ATP2B4: variants seen among roughly 807,000 people sequenced by gnomAD.
ATP2B4 encodes ATPase plasma membrane Ca2+ transporting 4.
ATP2B4 carries 39 observed loss-of-function variants against 110.3 expected under a neutral mutation model. The observed-to-expected ratio is 0.35, with a 90% confidence interval of 0.27 to 0.46. ATP2B4 has a LOEUF of 0.46. ATP2B4 is among the 20% of genes least tolerant of loss of function. The pLI is 1.00. For missense variants in ATP2B4, 1,135 were observed against 1,530.9 expected (o/e 0.74, Z 4.32); for synonymous variants, 538 against 571.7 (o/e 0.94, Z 0.84).
At chr1:203,641,735 C>T (rs147644561) in intron 1 of ATP2B4, among the ~76,000 whole-genome samples, 4 of 152,242 alleles carry the variant, frequency 2.6e-5, no homozygotes, top group Admixed American at 2.6e-4. Flanking sequence ...TCATCTGGCT[C>T]ATTAGGGTTG....
intron 1 of ATP2B4, among the ~76,000 whole-genome samples, chr1:203,664,517 C>A (rs2102336409): frequency 6.6e-6 from 1 of 152,286 alleles, no homozygotes; most frequent in African/African-American, 2.4e-5. Context: ...TTTTTGATCC[C>A]CATTTTTTTA....
At chr1:203,632,849 G>A (rs985339653) in intron 1 of ATP2B4, among the ~76,000 whole-genome samples, 1 of 152,122 alleles carries the variant, frequency 6.6e-6, no homozygotes. Flanking sequence ...CTGGAAATCA[G>A]GGTCTCACTA....
At chr1:203,717,726 C>G (rs1244534772) in intron 15 of ATP2B4, among the ~76,000 whole-genome samples, 1 of 151,850 alleles carries the variant, frequency 6.6e-6, no homozygotes, top group Non-Finnish European at 1.5e-5. Flanking sequence ...ACTGCAACCT[C>G]CACTTCCCAG....
In ATP2B4 at chr1:203,723,420, ATCTCTCTCTCTCTC is replaced by A. The variant is rs34964110; in HGVS notation, c.3025-434_3025-421del. 2.0e-4 allele frequency among the ~76,000 whole-genome samples: 9 copies of A among 44,576 alleles called. No individual in the cohort carries two copies. The South Asian group carries it at 6.7e-3, about 33-fold the overall frequency. 29.2% of individuals were successfully genotyped at this position (44,576 alleles called of 152,430 possible). A position where few individuals can be genotyped will look rare whatever the true frequency, so the allele number is the denominator to read the frequency against. On this transcript the variant is annotated intron_variant, in intron 18 of 20. Transcript: ENST00000357681. ...TTTTTTTTTTTCGTTTGAGACAGAT[ATCTCTCTCTCTCTC>A]TCTCTCTCTCTCTCTCTCTCTCTCT...
At chr1:203,730,284 G>A (rs150391143) in intron 20 of ATP2B4, among the ~76,000 whole-genome samples, 9 of 150,328 alleles carry the variant, frequency 6.0e-5, no homozygotes, top group African/African-American at 1.7e-4. Context: ...GTAGGGAAAC[G>A]CTAGGGTTCC....
chr1:203,674,331 C>T (rs905786157), intron 1 of ATP2B4, among the ~76,000 whole-genome samples: 1 of 152,238 alleles, frequency 6.6e-6, no homozygotes, highest in Admixed American at 6.5e-5. Flanking sequence ...TGAGCTCTAG[C>T]TTGCTGTGAA....
chr1:203,709,055 G>C (rs1665928416), intron 10 of ATP2B4, among the ~76,000 whole-genome samples: 1 of 152,138 alleles, frequency 6.6e-6, no homozygotes, highest in Non-Finnish European at 1.5e-5. Flanking sequence ...TACTCAGGAG[G>C]CTGAGGCAGA....
In ATP2B4 at chr1:203,727,828, G is replaced by T. The variant is rs1166931801; in HGVS notation, c.3309+257G>T. ...CCTTTAGCTCTGGGTTGACCCTAAA[G>T]CCCAGCCTGCCACCCTCTATCAAAT... On this transcript the variant is annotated intron_variant, in intron 20 of 20. Coordinates refer to ENST00000357681, the MANE Select transcript of ATP2B4 (RefSeq NM_001684.5). The T allele has an allele frequency of 3.3e-5, 15 of 457,226 alleles. No individual in the cohort carries two copies. In the East Asian group the frequency reaches 6.3e-4, roughly 19 times the overall value. 28.3% of individuals were successfully genotyped at this position (457,226 alleles called of 1,614,324 possible). A position where few individuals can be genotyped will look rare whatever the true frequency, so the allele number is the denominator to read the frequency against.
At position 203,659,883 on chromosome 1, in the gene ATP2B4, A is replaced by T. The variant is rs57502354; in HGVS notation, c.-464-22859A>T. Among the ~76,000 whole-genome samples the T allele has an allele frequency of 5.2e-3, 788 of 152,230 alleles. 9 individuals are homozygous for T. The highest frequency in any genetic ancestry group is 0.018 in the African/African-American group (740 of 41,536). ...TGGATCACAAGATCAGGAGTTCAAG[A>T]TCAGCCTGGCCAAAATGGTGAAATC... On this transcript the variant is annotated intron_variant, in intron 1 of 20. Coordinates refer to ENST00000357681, the MANE Select transcript of ATP2B4 (RefSeq NM_001684.5).
chr1:203,697,984 C>T (rs1037498978), intron 2 of ATP2B4, among the ~76,000 whole-genome samples, 173 bp from the exon 3 acceptor site: 2 of 151,662 alleles, frequency 1.3e-5, no homozygotes, highest in East Asian at 2.0e-4. Flanking sequence ...GGATTACAGA[C>T]GTGAGATACC....
chr1:203,712,158 GAA>G lies in ATP2B4; in HGVS notation c.2211+20_2211+21del. 6.2e-7 allele frequency: 1 copy of G among 1,610,874 alleles called. No homozygotes were observed. The highest frequency in any genetic ancestry group is 8.5e-7 in the Non-Finnish European group (1 of 1,178,420). ...AGGCGAGGTGGGTCCTGGCTAGGGG[GAA>G]CCAGGACCTCACCTGACAAGGAAAA... On this transcript the variant is annotated intron_variant, in intron 13 of 20. Transcript: ENST00000357681.
At chr1:203,659,734 G>T (rs1255420699) in intron 1 of ATP2B4, among the ~76,000 whole-genome samples, 1 of 152,160 alleles carries the variant, frequency 6.6e-6, no homozygotes, top group Non-Finnish European at 1.5e-5. Context: ...GGAGGCTGAA[G>T]CGGGAAGATT....
rs543618721 is a variant in ATP2B4 at position 203,733,547 on chromosome 1, T to A, written c.3309+5976T>A. On this transcript the variant is annotated intron_variant, in intron 20 of 20. Coordinates refer to ENST00000357681, the MANE Select transcript of ATP2B4 (RefSeq NM_001684.5). ...TAAGGGAAGAAAAAGACAAAAATCC[T>A]ACTCTAAAACCAGACTGTGTGCCCT... The A allele has an allele frequency of 1.2e-4, 94 of 792,444 alleles. No homozygotes were observed. The African/African-American group carries it at 1.6e-3, about 14-fold the overall frequency. The allele number at this position is 792,444 out of a possible 1,614,324, so 49.1% of individuals were successfully genotyped here.
At chr1:203,691,348 C>T (rs574734554) in intron 2 of ATP2B4, among the ~76,000 whole-genome samples, 11 of 152,250 alleles carry the variant, frequency 7.2e-5, no homozygotes, top group South Asian at 4.2e-4. Context: ...CTGCATCTAC[C>T]GAAAGTGGGG....
intron 19 of ATP2B4, among the ~76,000 whole-genome samples, chr1:203,726,071 C>CAAAA (rs58722256): frequency 1.1e-5 from 1 of 93,240 alleles, no homozygotes; most frequent in Non-Finnish European, 2.3e-5. Context: ...ACTAAAAATA[C>CAAAA]AAAAAAAAAA....
At chr1:203,707,659 G>C (rs1369044334) in intron 9 of ATP2B4, among the ~76,000 whole-genome samples, 1 of 152,094 alleles carries the variant, frequency 6.6e-6, no homozygotes, top group African/African-American at 2.4e-5. Flanking sequence ...TTGAACTTCT[G>C]ACCTCAGGTG....
Position 203,740,013 on chromosome 1 carries a change from A to G in ATP2B4, c.*159A>G, listed in dbSNP as rs1666966462. 3.7e-6 allele frequency: 3 copies of G among 806,200 alleles called. No individual in the cohort carries two copies. The highest frequency in any genetic ancestry group is 5.4e-5 in the East Asian group (2 of 37,066). The allele number at this position is 806,200 out of a possible 1,614,324, so 49.9% of individuals were successfully genotyped here. A position where few individuals can be genotyped will look rare whatever the true frequency, so the allele number is the denominator to read the frequency against. ...TACCTGACCATGAAGAGGCAAGAGCACAGACTTACAAGGATTTCAACTTAA... is the reference window on the plus strand; with the variant it reads ...TACCTGACCATGAAGAGGCAAGAGCGCAGACTTACAAGGATTTCAACTTAA... On this transcript the variant is annotated 3_prime_UTR_variant, in exon 21 of 21. Transcript: ENST00000357681.
chr1:203,713,423 G>A (rs1419431748), intron 14 of ATP2B4, among the ~76,000 whole-genome samples, 171 bp downstream of exon 14: 1 of 152,066 alleles, frequency 6.6e-6, no homozygotes, highest in East Asian at 1.9e-4. Flanking sequence ...CCCTTGGTGA[G>A]TATGACACAC....
intron 20 of ATP2B4, among the ~76,000 whole-genome samples, chr1:203,731,849 C>CAA (rs35528335): frequency 0.47 from 23,916 of 51,044 alleles, 6,989 homozygotes; most frequent in Admixed American, 0.59. Context: ...GACTCTGTCT[C>CAA]AAAAAAAAAA....
Sources: gnomAD v4.1 joint callset for allele counts (sites outside exome capture counted in the v4.1 genomes callset) on GRCh38, gnomAD v4.1.1 for gene constraint, MANE v1.5 for transcripts, NCBI Gene and HGNC (gene_info 2026-07-23, HGNC 2026-07-21) for gene names.